The following TTC1 variants were observed in gnomAD, a reference collection of about 807,000 sequenced individuals.
The protein encoded by TTC1 is tetratricopeptide repeat protein 1.
A neutral mutation model predicts 37.6 loss-of-function variants in TTC1; 31 were observed. The ratio of observed to expected loss-of-function variants is 0.82; its 90% CI spans 0.62 to 1.11. The LOEUF (loss-of-function observed/expected upper bound fraction) is 1.11. Among genes scored for constraint, TTC1 ranks in the 50% most tolerant of loss-of-function variants. The pLI is 0.00. For missense variants in TTC1, 351 were observed against 339.0 expected (o/e 1.04, Z -0.28); for synonymous variants, 127 against 122.4 (o/e 1.04, Z -0.25).
At chr5:160,061,505 A>G (rs1416731315) in intron 7 of TTC1, among the ~76,000 whole-genome samples, 1 of 152,208 alleles carries the variant, frequency 6.6e-6, no homozygotes, top group Non-Finnish European at 1.5e-5. Flanking sequence ...ACACACATGT[A>G]ATTAGTACAT....
chr5:160,014,909 T>C (rs529364096), intron 2 of TTC1, among the ~76,000 whole-genome samples: 1 of 152,350 alleles, frequency 6.6e-6, no homozygotes, highest in South Asian at 2.1e-4. Flanking sequence ...ATTTGTAGTA[T>C]AGTAAATTTA....
At chr5:160,045,515 TACA>T (rs1561634915) in intron 5 of TTC1, among the ~76,000 whole-genome samples, 971 of 37,380 alleles carry the variant, frequency 0.026, 24 homozygotes, top group East Asian at 0.058. Flanking sequence ...CACACACACA[TACA>T]CACTCTCTCT....
At chr5:160,017,316 A>G (rs754420267) in intron 2 of TTC1, among the ~76,000 whole-genome samples, 6 of 152,236 alleles carry the variant, frequency 3.9e-5, no homozygotes, top group Non-Finnish European at 7.3e-5. Context: ...GAGAAGTCCA[A>G]GATCAAGGTG....
intron 7 of TTC1, among the ~76,000 whole-genome samples, chr5:160,059,410 T>TTGGCTTAAGGGAATGTTG (rs1757636272): frequency 6.6e-6 from 1 of 152,254 alleles, no homozygotes; most frequent in Non-Finnish European, 1.5e-5. Flanking sequence ...ATCCAAGGCT[T>TTGGCTTAAGGGAATGTTG]TGGCTTAAGG....
intron 4 of TTC1, among the ~76,000 whole-genome samples, chr5:160,042,454 A>G (rs1346426827): frequency 1.3e-5 from 2 of 152,232 alleles, no homozygotes; most frequent in Non-Finnish European, 2.9e-5. Context: ...CCTATTTTAG[A>G]TGAGACAAAC....
Position 160,010,736 on chromosome 5 carries a change from T to A in TTC1, c.208T>A (p.Phe70Ile), listed in dbSNP as rs1254801428. The change falls in exon 2 of 8, where the codon TTT (phenylalanine) becomes ATT (isoleucine). Residue 70 changes from phenylalanine (F) to isoleucine (I), a missense_variant. Physicochemically the swap from Phe to Ile is conservative, Grantham distance 21 (BLOSUM62 0). Coordinates refer to ENST00000231238, the MANE Select transcript of TTC1 (RefSeq NM_003314.3). ...GTGTTTTCATGACTGCAGTGCCTCA[T>A]TTGAGGAGGAGCCAGGAGCGGACAA... is the stretch of plus-strand genomic sequence containing the variant. The part of the protein sequence containing the change: ...EECFHDCSAS[F>I]EEEPGADKVE... The A allele has an allele frequency of 1.2e-6, 2 of 1,613,860 alleles. No homozygotes were observed. Among genetic ancestry groups the A allele is most frequent in the Non-Finnish European group, 1.7e-6 (2 of 1,179,976 alleles).
chr5:160,052,158 C>T (rs1001670106), intron 7 of TTC1, among the ~76,000 whole-genome samples: 1 of 151,200 alleles, frequency 6.6e-6, no homozygotes, highest in African/African-American at 2.5e-5. Flanking sequence ...GGAGCCTTCC[C>T]CAGATTTTCC....
intron 2 of TTC1, among the ~76,000 whole-genome samples, chr5:160,019,886 C>T (rs1234152780): frequency 6.6e-6 from 1 of 151,250 alleles, no homozygotes; most frequent in African/African-American, 2.4e-5. Flanking sequence ...TGCCTCCTGC[C>T]TCCCTTTTCT....
intron 2 of TTC1, chr5:160,023,947 C>T: frequency 6.4e-7 from 1 of 1,568,730 alleles, no homozygotes. Flanking sequence ...TTTCCTCTTC[C>T]TCATCAGGTA....
rs1454386751 is a variant in TTC1, at chr5:160,065,148, A to T, written c.*83A>T. The T allele has an allele frequency of 3.2e-6, 5 of 1,548,082 alleles. No individual in the cohort carries two copies. Among genetic ancestry groups the T allele is most frequent in the Non-Finnish European group, 4.3e-6 (5 of 1,149,994 alleles). On this transcript the variant is annotated 3_prime_UTR_variant, in exon 8 of 8. Transcript: ENST00000231238. ...TAGGGGAAAGGCCCTGCCAATGTTT[A>T]ACTTTTAAAAGCATCTTATCTAAAA...
chr5:160,011,052 A>G (rs1368419370), intron 2 of TTC1, among the ~76,000 whole-genome samples, 194 bp downstream of exon 2: 1 of 152,196 alleles, frequency 6.6e-6, no homozygotes, highest in Non-Finnish European at 1.5e-5. Flanking sequence ...CTGCTTAACA[A>G]AGAAATTTTC....
intron 2 of TTC1, among the ~76,000 whole-genome samples, chr5:160,028,069 G>A (rs1756836995): frequency 6.6e-6 from 1 of 152,128 alleles, no homozygotes; most frequent in Admixed American, 6.5e-5. Context: ...AGGGGCCGAG[G>A]CGAGTGGATC....
chr5:160,063,751 T>C (rs1384018877), intron 7 of TTC1: 4 of 152,188 alleles, frequency 2.6e-5, no homozygotes, highest in Non-Finnish European at 4.4e-5. Flanking sequence ...TTCTGGAACA[T>C]TCCTAGTTTC....
At chr5:160,042,043 C>A (rs1185613456) in intron 4 of TTC1, among the ~76,000 whole-genome samples, 1 of 152,176 alleles carries the variant, frequency 6.6e-6, no homozygotes, top group African/African-American at 2.4e-5. Context: ...AATTCTCCTG[C>A]CTCAGCCTCC....
At chr5:160,035,271 A>C in intron 3 of TTC1, 71 bp downstream of exon 3, 1 of 1,259,130 alleles carries the variant, frequency 7.9e-7, no homozygotes, top group South Asian at 1.7e-5. Flanking sequence ...CTGTGAAGAA[A>C]CCCCAAAGAA....
At chr5:160,019,255 G>C (rs893469292) in intron 2 of TTC1, among the ~76,000 whole-genome samples, 1 of 152,134 alleles carries the variant, frequency 6.6e-6, no homozygotes, top group Non-Finnish European at 1.5e-5. Flanking sequence ...AAGTTTTAAG[G>C]ATTATTCTTT....
intron 5 of TTC1, among the ~76,000 whole-genome samples, chr5:160,045,554 C>T (rs7728945): frequency 0.046 from 5,300 of 114,794 alleles, 397 homozygotes; most frequent in East Asian, 0.093. Context: ...TCTCTCTCTC[C>T]CCCTCCCCTC....
rs146195354 is a variant in TTC1 at position 160,014,380 on chromosome 5, A to G, written c.330+3522A>G. On this transcript the variant is annotated intron_variant, in intron 2 of 7. Coordinates refer to ENST00000231238, the MANE Select transcript of TTC1 (RefSeq NM_003314.3). Reference sequence around the variant, plus strand: ...TCTCAGAAAATAAATAAATAGTCACATGGGCCAGGCATAGTGGCTCATTCC... The same window carrying G: ...TCTCAGAAAATAAATAAATAGTCACGTGGGCCAGGCATAGTGGCTCATTCC... 5.2e-4 allele frequency among the ~76,000 whole-genome samples: 79 copies of G among 151,490 alleles called. No individual in the cohort carries two copies. In the East Asian group the frequency reaches 0.012, roughly 24 times the overall value.
intron 2 of TTC1, among the ~76,000 whole-genome samples, chr5:160,029,481 CAAAAA>C (rs61227502): frequency 1.3e-5 from 1 of 79,856 alleles, no homozygotes; most frequent in Non-Finnish European, 2.8e-5. Flanking sequence ...CCCATCTCTA[CAAAAA>C]AAAAAAAAAA....
Sources: gnomAD v4.1 joint callset for allele counts (sites outside exome capture counted in the v4.1 genomes callset) on GRCh38, gnomAD v4.1.1 for gene constraint, MANE v1.5 for transcripts, NCBI Gene and HGNC (gene_info 2026-07-23, HGNC 2026-07-21) for gene names.